MALRD1: variants seen among roughly 807,000 people sequenced by gnomAD.
MALRD1 encodes the protein MAM and LDL receptor class A domain containing 1.
A neutral mutation model predicts 242.1 loss-of-function variants in MALRD1; 247 were observed. The observed-to-expected ratio is 1.02, with a 90% CI of 0.92 to 1.13. The LOEUF is 1.13. MALRD1 is among the 50% of genes most tolerant of loss of function. The probability of loss-of-function intolerance (pLI) is 0.00; values close to 1 mark genes in which losing one functional copy is unlikely to be tolerated. For synonymous variants in MALRD1, 995 were observed against 866.6 expected (o/e 1.15, Z -2.60); for missense variants, 2,989 against 2,533.1 (o/e 1.18, Z -3.86).
chr10:19,515,248 C>G (rs1322263200), intron 31 of MALRD1, among the ~76,000 whole-genome samples: 1 of 152,096 alleles, frequency 6.6e-6, no homozygotes, highest in Non-Finnish European at 1.5e-5. Context: ...AAATAATGAA[C>G]TCTTAGTGAC....
At position 19,209,477 on chromosome 10, in the gene MALRD1, A is replaced by C; in HGVS notation, c.2788A>C (p.Ser930Arg). ...QAFQDSAALL[S>R]PILNATDTKG... ...TTTTCAAGACAGTGCTGCCTTACTC[A>C]GCCCAATCCTTAATGCCACTGATAC... Residue 930 changes from serine (S) to arginine (R), a missense_variant, in exon 18 of 40, where the codon AGC becomes CGC. Physicochemically the swap from Ser to Arg is moderately radical, Grantham distance 110. Coordinates refer to ENST00000454679, the MANE Select transcript of MALRD1 (RefSeq NM_001142308.3). 6.4e-7 allele frequency: 1 copy of C among 1,550,846 alleles called. No homozygotes were observed. Among genetic ancestry groups the C allele is most frequent in the Non-Finnish European group, 8.7e-7 (1 of 1,147,044 alleles).
chr10:19,587,424 C>T (rs1014623861), intron 33 of MALRD1, among the ~76,000 whole-genome samples: 1 of 152,188 alleles, frequency 6.6e-6, no homozygotes, highest in African/African-American at 2.4e-5. Context: ...GTTCTACTTG[C>T]ATATCATTTT....
intron 8 of MALRD1, among the ~76,000 whole-genome samples, chr10:19,130,251 G>GA (rs1363180614): frequency 6.6e-6 from 1 of 152,018 alleles, no homozygotes; most frequent in African/African-American, 2.4e-5. Flanking sequence ...AAGGAAGAGA[G>GA]AAAAAATTTA....
At chr10:19,124,197 C>T (rs1207361527) in intron 6 of MALRD1, among the ~76,000 whole-genome samples, 1 of 152,066 alleles carries the variant, frequency 6.6e-6, no homozygotes, top group African/African-American at 2.4e-5. Context: ...GCCTGGGTGG[C>T]AGAACAAGAC....
At chr10:19,315,787 T>C (rs1364382833) in intron 21 of MALRD1, among the ~76,000 whole-genome samples, 1 of 143,442 alleles carries the variant, frequency 7.0e-6, no homozygotes, top group East Asian at 2.0e-4. Flanking sequence ...GTATGTATTA[T>C]ATAATTTATA....
At chr10:19,496,443 G>A (rs113363322) in intron 30 of MALRD1, among the ~76,000 whole-genome samples, 3 of 152,266 alleles carry the variant, frequency 2.0e-5, no homozygotes, top group African/African-American at 7.2e-5. Flanking sequence ...TAAACAGCCT[G>A]CTTCTGAATG....
chr10:19,694,979 A>C (rs1310359503), intron 38 of MALRD1, among the ~76,000 whole-genome samples: 3 of 152,154 alleles, frequency 2.0e-5, no homozygotes, highest in Non-Finnish European at 2.9e-5. Context: ...AGGACAAAAA[A>C]CCAAACACCA....
At chr10:19,626,939 A>G (rs1230196564) in intron 36 of MALRD1, among the ~76,000 whole-genome samples, 2 of 152,160 alleles carry the variant, frequency 1.3e-5, no homozygotes, top group Non-Finnish European at 2.9e-5. Context: ...TATTTACAAT[A>G]CTTGACAATA....
At chr10:19,275,646 G>T (rs7067783) in intron 19 of MALRD1, among the ~76,000 whole-genome samples, 50,299 of 151,910 alleles carry the variant, frequency 0.33, 8,655 homozygotes, top group African/African-American at 0.41. Flanking sequence ...TCCAGCCTGG[G>T]CGACAGAGCG....
At chr10:19,082,161 CT>C (rs554874717) in intron 2 of MALRD1, among the ~76,000 whole-genome samples, 1 of 151,254 alleles carries the variant, frequency 6.6e-6, no homozygotes, top group Non-Finnish European at 1.5e-5. Flanking sequence ...ATATCCTTTT[CT>C]TTTTTTACTA....
intron 18 of MALRD1, among the ~76,000 whole-genome samples, chr10:19,233,450 C>G (rs368519514): frequency 6.6e-6 from 1 of 151,976 alleles, no homozygotes; most frequent in East Asian, 1.9e-4. Context: ...TACAGTGAGC[C>G]GAGATCATGC....
intron 36 of MALRD1, among the ~76,000 whole-genome samples, chr10:19,689,591 A>T (rs1272817632): frequency 1.3e-5 from 2 of 152,114 alleles, no homozygotes; most frequent in African/African-American, 4.8e-5. Context: ...TGTGAAAACC[A>T]TGTTTCTACC....
chr10:19,199,813 T>TAAATAAATA (rs1554809320), intron 14 of MALRD1, among the ~76,000 whole-genome samples: 1 of 148,576 alleles, frequency 6.7e-6, no homozygotes, highest in East Asian at 2.0e-4. Context: ...AATAAATAAA[T>TAAATAAATA]AAATAAAATA....
chr10:19,208,215 G>A (rs1222377085), intron 17 of MALRD1, among the ~76,000 whole-genome samples: 1 of 152,118 alleles, frequency 6.6e-6, no homozygotes, highest in Non-Finnish European at 1.5e-5. Flanking sequence ...CAAGTTGGAA[G>A]TTGCAGCTCA....
intron 20 of MALRD1, among the ~76,000 whole-genome samples, chr10:19,281,381 T>A (rs1840804033): frequency 6.6e-6 from 1 of 152,196 alleles, no homozygotes; most frequent in Non-Finnish European, 1.5e-5. Context: ...AAAATGAGTA[T>A]CTTTAGGGAA....
chr10:19,468,354 A>G (rs902510760), intron 29 of MALRD1, among the ~76,000 whole-genome samples: 11 of 152,144 alleles, frequency 7.2e-5, no homozygotes, highest in African/African-American at 2.4e-4. Flanking sequence ...CTTTTAATCT[A>G]TACTAAGTTA....
At position 19,391,976 on chromosome 10, in the gene MALRD1, C is replaced by T. The variant is rs576954887; in HGVS notation, c.4845+2367C>T. Among the ~76,000 whole-genome samples, 16 of 152,312 alleles carry T rather than the reference C, an allele frequency of 1.1e-4. No homozygotes were observed. In the South Asian group the frequency reaches 3.1e-3, roughly 30 times the overall value. ...AGGGATGGCCATTGTGCATTACATGCATGACGTTCAAGTCTAGCCTGAAGA... is the reference window on the plus strand; with the variant it reads ...AGGGATGGCCATTGTGCATTACATGTATGACGTTCAAGTCTAGCCTGAAGA... On this transcript the variant is annotated intron_variant, in intron 28 of 39. Coordinates refer to ENST00000454679, the MANE Select transcript of MALRD1 (RefSeq NM_001142308.3).
chr10:19,391,448 A>G (rs954532098), intron 28 of MALRD1, among the ~76,000 whole-genome samples: 3 of 152,218 alleles, frequency 2.0e-5, no homozygotes, highest in Non-Finnish European at 4.4e-5. Flanking sequence ...TACCTTGCTC[A>G]TTAGCTTGAA....
At chr10:19,581,205 C>CTTTA (rs139388555) in intron 33 of MALRD1, among the ~76,000 whole-genome samples, 91 of 149,092 alleles carry the variant, frequency 6.1e-4, no homozygotes, top group Middle Eastern at 3.6e-3. Flanking sequence ...TTCTTGTAAT[C>CTTTA]TTTATTTATT....
Sources: allele counts gnomAD v4.1 joint callset (sites outside exome capture counted in the v4.1 genomes callset), GRCh38; gene constraint gnomAD v4.1.1; transcripts MANE v1.5; gene names NCBI Gene and HGNC (gene_info 2026-07-23, HGNC 2026-07-21).